Variants in ZNF558 observed in about 807,000 individuals in gnomAD.
The protein encoded by ZNF558 is zinc finger protein 558.
ZNF558 carries 23 observed loss-of-function variants against 37.6 expected under a neutral mutation model. The observed-to-expected ratio is 0.61, with a 90% CI of 0.44 to 0.87. The LOEUF (loss-of-function observed/expected upper bound fraction) is 0.87, where lower values mean the gene tolerates loss of function less well. ZNF558 is among the 40% of genes least tolerant of loss of function. The pLI is 0.00. For synonymous variants in ZNF558, 189 were observed against 174.4 expected, an observed-to-expected ratio of 1.08 and a Z score of -0.66; for missense variants, 429 against 483.7, an observed-to-expected ratio of 0.89 and a Z score of 1.06.
intron 2 of ZNF558, among the ~76,000 whole-genome samples, chr19:8,830,247 T>G (rs2044319849): frequency 1.3e-5 from 2 of 152,180 alleles, no homozygotes; most frequent in African/African-American, 4.8e-5. Flanking sequence ...CATGCAGAAC[T>G]GAGTCAATTA....
rs188173788 is a variant in ZNF558, at chr19:8,812,154, T to G, written c.427-91A>C. 5.6e-4 allele frequency: 668 copies of G among 1,186,508 alleles called. 5 individuals are homozygous for G. The African/African-American group carries it at 9.3e-3, about 16-fold the overall frequency. The allele number at this position is 1,186,508 out of a possible 1,614,324, so 73.5% of individuals were successfully genotyped here. ...GAATCTTCTCTCCCAGGAATTCTGT[T>G]ACATTATTATAATTGATATTTTGGC... On this transcript the variant is annotated intron_variant, in intron 9 of 9. Transcript: ENST00000601372.
chr19:8,812,170 A>G (rs949663956), intron 9 of ZNF558, 107 bp from the exon 10 acceptor site: 1 of 1,127,652 alleles, frequency 8.9e-7, no homozygotes, highest in African/African-American at 1.6e-5. Flanking sequence ...ATTATAATTG[A>G]TATTTTGGCT....
At position 8,811,161 on chromosome 19, in the gene ZNF558, T is replaced by G; in HGVS notation, c.*120A>C. The G allele has an allele frequency of 9.1e-7, 1 of 1,101,134 alleles. No homozygotes were observed. Among genetic ancestry groups the G allele is most frequent in the African/African-American group, 1.6e-5 (1 of 63,518 alleles). 68.2% of individuals were successfully genotyped at this position (1,101,134 alleles called of 1,614,324 possible). A position where few individuals can be genotyped will look rare whatever the true frequency, so the allele number is the denominator to read the frequency against. ...ACATTTCGTGTTTGAAGCCACAAAA[T>G]TTGCGGGGATCATTTGTTATGCTGC... On this transcript the variant is annotated 3_prime_UTR_variant, in exon 10 of 10. Transcript: ENST00000601372.
chr19:8,823,993 A>G (rs567974276), intron 4 of ZNF558, 89 bp downstream of exon 4: 7 of 152,986 alleles, frequency 4.6e-5, no homozygotes, highest in African/African-American at 1.7e-4. Context: ...CCTCTGTGGT[A>G]ACTGCTTCCT....
chr19:8,821,593 TCTCA>T, intron 6 of ZNF558: 1 of 1,361,088 alleles, frequency 7.3e-7, no homozygotes, highest in East Asian at 2.9e-5. Flanking sequence ...AGCTGCCTTT[TCTCA>T]CTCAGACTGG....
chr19:8,811,310 G>A lies in ZNF558; in HGVS notation c.1180C>T (p.His394Tyr). Residue 394 changes from histidine to tyrosine, a missense_variant, in exon 10 of 10, where the codon CAC (histidine) becomes TAC (tyrosine). Transcript: ENST00000601372. ...ATCCATCTATTATGTATTCTCTTGT[G>A]CACAGAAAGATAGGAGTTACTTGTG... ...SFTSNSYLSV[H>Y]KRIHNRWI 6.3e-7 allele frequency: 1 copy of A among 1,598,562 alleles called. No homozygotes were observed. The highest frequency in any genetic ancestry group is 8.5e-7 in the Non-Finnish European group (1 of 1,173,188).
intron 4 of ZNF558, among the ~76,000 whole-genome samples, chr19:8,823,403 ATCCTGCCTCAGTCAGCCCCC>A (rs2044148233): frequency 3.1e-3 from 19 of 6,192 alleles, no homozygotes; most frequent in Admixed American, 8.8e-3. Flanking sequence ...GGTCACCCCC[ATCCTGCCTCAGTCAGCCCCC>A]CTCCTGCCTC....
rs1376118710 is a variant in ZNF558, at chr19:8,810,665, T to C, written c.*616A>G. 2.0e-5 allele frequency: 3 copies of C among 152,344 alleles called. No individual in the cohort carries two copies. Among genetic ancestry groups the C allele is most frequent in the Non-Finnish European group, 4.4e-5 (3 of 68,116 alleles). The allele number at this position is 152,344 out of a possible 1,614,324, so 9.4% of individuals were successfully genotyped here. ...TGAGGGCTTTTCTTCATTAATTCCA[T>C]GGCAAATTTCCCAGATGCTTCTGAG... On this transcript the variant is annotated 3_prime_UTR_variant, in exon 10 of 10. Transcript: ENST00000601372.
At chr19:8,819,002 A>G (rs1232978449) in intron 7 of ZNF558, among the ~76,000 whole-genome samples, 1 of 152,244 alleles carries the variant, frequency 6.6e-6, no homozygotes, top group Non-Finnish European at 1.5e-5. Flanking sequence ...TCTCCACACC[A>G]TAAGCAAAAT....
In ZNF558 at chr19:8,811,268, T is replaced by C; in HGVS notation, c.*13A>G. The stretch of plus-strand genomic sequence containing the variant: ...ATCAATGAGTGCTTTCCTCCAGAAG[T>C]TCCTGCAGTAATTCATATCCATCTA... On this transcript the variant is annotated 3_prime_UTR_variant, in exon 10 of 10. Transcript: ENST00000601372. The C allele has an allele frequency of 6.5e-7, 1 of 1,541,216 alleles. No individual in the cohort carries two copies. Among genetic ancestry groups the C allele is most frequent in the Non-Finnish European group, 8.7e-7 (1 of 1,146,714 alleles).
chr19:8,830,250 G>A (rs535406676), intron 2 of ZNF558, among the ~76,000 whole-genome samples: 1 of 152,246 alleles, frequency 6.6e-6, no homozygotes, highest in South Asian at 2.1e-4. Flanking sequence ...GCAGAACTGA[G>A]TCAATTAAAC....
At position 8,825,016 on chromosome 19, in the gene ZNF558, T is replaced by C. The variant is rs947768072; in HGVS notation, c.-416A>G. 6.6e-6 allele frequency: 1 copy of C among 152,256 alleles called. No homozygotes were observed. Among genetic ancestry groups the C allele is most frequent in the African/African-American group, 2.4e-5 (1 of 41,440 alleles). The allele number at this position is 152,256 out of a possible 1,614,324, so 9.4% of individuals were successfully genotyped here. ...ACCTTACTCACCAGGGAGACGTGGA[T>C]TGCAGCAACTCTGGCGCTATTTCCT... On this transcript the variant is annotated 5_prime_UTR_variant, in exon 3 of 10. Coordinates refer to ENST00000601372, the MANE Select transcript of ZNF558 (RefSeq NM_144693.3).
At chr19:8,835,963 A>G (rs2044451045), upstream of ZNF558, among the ~76,000 whole-genome samples, 1 of 152,228 alleles carries the variant, frequency 6.6e-6, no homozygotes, top group Admixed American at 6.5e-5. Flanking sequence ...CAGAATAAGA[A>G]AATCCAAAGA....
chr19:8,818,343 T>G (rs552729559), intron 7 of ZNF558, among the ~76,000 whole-genome samples: 1 of 152,102 alleles, frequency 6.6e-6, no homozygotes, highest in South Asian at 2.1e-4. Context: ...TCCGAGCTAC[T>G]CGGGAGGCTG....
In ZNF558 at chr19:8,811,194, A is replaced by C. The variant is rs1555767746; in HGVS notation, c.*87T>G. 7.3e-7 allele frequency: 1 copy of C among 1,376,820 alleles called. No individual in the cohort carries two copies. The highest frequency in any genetic ancestry group is 9.8e-7 in the Non-Finnish European group (1 of 1,023,340). The allele number at this position is 1,376,820 out of a possible 1,614,324, so 85.3% of individuals were successfully genotyped here. A position where few individuals can be genotyped will look rare whatever the true frequency, so the allele number is the denominator to read the frequency against. ...GATCATTTGTTATGCTGCAACAAATAACTTATATATCCAGTGTGAGCTCTC... is the reference window on the plus strand; with the variant it reads ...GATCATTTGTTATGCTGCAACAAATCACTTATATATCCAGTGTGAGCTCTC... On this transcript the variant is annotated 3_prime_UTR_variant, in exon 10 of 10. Coordinates refer to ENST00000601372, the MANE Select transcript of ZNF558 (RefSeq NM_144693.3).
chr19:8,832,446 A>C (rs1599303481), upstream of ZNF558: 8 of 152,846 alleles, frequency 5.2e-5, 1 homozygote, highest in Admixed American at 1.3e-4. Context: ...GCGGCCGCGA[A>C]CCCCAGCCTT....
In ZNF558 at chr19:8,807,359, C is replaced by A. The variant is rs2043711823; in HGVS notation, c.*3922G>T. 1 of 152,116 alleles carries A rather than the reference C, an allele frequency of 6.6e-6. No homozygotes were observed. 9.4% of individuals were successfully genotyped at this position (152,116 alleles called of 1,614,324 possible). A position where few individuals can be genotyped will look rare whatever the true frequency, so the allele number is the denominator to read the frequency against. ...ATCCTGTCCACAGGACTGAGTAGAC[C>A]CTTTATGAAAACTCTACTTGAATTG... On this transcript the variant is annotated 3_prime_UTR_variant, in exon 10 of 10. Coordinates refer to ENST00000601372, the MANE Select transcript of ZNF558 (RefSeq NM_144693.3).
intron 7 of ZNF558, among the ~76,000 whole-genome samples, chr19:8,820,869 A>C (rs1484728063): frequency 6.6e-6 from 1 of 152,230 alleles, no homozygotes; most frequent in East Asian, 1.9e-4. Context: ...TGTTCTGGAT[A>C]GGTAAATTCC....
Position 8,811,660 on chromosome 19 carries a change from G to A in ZNF558, c.830C>T (p.Ser277Phe). The A allele has an allele frequency of 1.2e-6, 2 of 1,614,200 alleles. No homozygotes were observed. Among genetic ancestry groups the A allele is most frequent in the Non-Finnish European group, 8.5e-7 (1 of 1,180,032 alleles). ...NQCGKAFSTRSSLTGHNSIHT... is the reference protein window; with the variant it reads ...NQCGKAFSTRFSLTGHNSIHT... ...AATGCTATTGTGCCCAGTGAGAGAG[G>A]ACCTTGTGCTGAAAGCTTTTCCACA... The change falls in exon 10 of 10, where the codon TCC becomes TTC. Residue 277 changes from serine (S) to phenylalanine (F), a missense_variant. Ser to Phe is a radical substitution (Grantham distance 155, BLOSUM62 -2). Coordinates refer to ENST00000601372, the MANE Select transcript of ZNF558 (RefSeq NM_144693.3).
Sources: gnomAD v4.1 joint callset for allele counts (sites outside exome capture counted in the v4.1 genomes callset) on GRCh38, gnomAD v4.1.1 for gene constraint, MANE v1.5 for transcripts, NCBI Gene and HGNC (gene_info 2026-07-23, HGNC 2026-07-21) for gene names.